The following REDIC1 variants were observed in gnomAD, a reference collection of about 807,000 sequenced individuals.
REDIC1 encodes regulator of DNA class I crossover intermediates 1, also known as HEI10 Interacting Protein 1.
chr12:39,768,262 T>A, the REDIC1 span, among the ~76,000 whole-genome samples: 1 of 152,160 alleles, frequency 6.6e-6, no homozygotes, highest in Non-Finnish European at 1.5e-5. Context: ...CTTAAGGGAA[T>A]GTTGTGGCTG....
the REDIC1 span, among the ~76,000 whole-genome samples, chr12:39,652,529 G>A: frequency 1.5e-4 from 23 of 152,122 alleles, no homozygotes; most frequent in African/African-American, 5.3e-4. Context: ...GTGTGACTCT[G>A]GTGAAATGTT....
chr12:39,653,357 G>C, the REDIC1 span, among the ~76,000 whole-genome samples: 6 of 151,626 alleles, frequency 4.0e-5, no homozygotes, highest in East Asian at 1.2e-3. Flanking sequence ...ATTAATTTTT[G>C]TATATGAATC....
the REDIC1 span, among the ~76,000 whole-genome samples, chr12:39,666,290 T>C: frequency 6.6e-6 from 1 of 152,224 alleles, no homozygotes; most frequent in Non-Finnish European, 1.5e-5. Flanking sequence ...TGTTGAATTT[T>C]GTCAAAGGCC....
At chr12:39,675,280 G>T in the REDIC1 span, among the ~76,000 whole-genome samples, 4 of 152,098 alleles carry the variant, frequency 2.6e-5, no homozygotes, top group Non-Finnish European at 5.9e-5. Flanking sequence ...GCCCAAGGAG[G>T]GTCTGAGCAC....
chr12:39,879,361 C>T, the REDIC1 span, among the ~76,000 whole-genome samples: 1,114 of 152,326 alleles, frequency 7.3e-3, 11 homozygotes, highest in African/African-American at 0.025. Flanking sequence ...TGGCAGCTTG[C>T]ACCCTGCGTC....
chr12:39,692,127 A>T, the REDIC1 span: 1 of 1,521,800 alleles, frequency 6.6e-7, no homozygotes. Context: ...GTATAACTGT[A>T]TAAGTTAATT....
chr12:39,703,280 T>C, the REDIC1 span, among the ~76,000 whole-genome samples: 11 of 150,406 alleles, frequency 7.3e-5, no homozygotes, highest in Non-Finnish European at 1.2e-4. Context: ...AGCATTCTTA[T>C]ACACCAACAA....
the REDIC1 span, among the ~76,000 whole-genome samples, chr12:39,706,313 A>G: frequency 1.3e-5 from 2 of 152,074 alleles, no homozygotes; most frequent in African/African-American, 2.4e-5. Flanking sequence ...TGAAGAGGAC[A>G]CCAAAACATG....
chr12:39,670,095 G>A, the REDIC1 span, among the ~76,000 whole-genome samples: 22 of 152,256 alleles, frequency 1.4e-4, no homozygotes, highest in Admixed American at 1.2e-3. Context: ...AGATGAACCC[G>A]GTACCTCAGT....
At chr12:39,715,155 G>T in the REDIC1 span, among the ~76,000 whole-genome samples, 1 of 151,830 alleles carries the variant, frequency 6.6e-6, no homozygotes, top group Non-Finnish European at 1.5e-5. Context: ...TGTCTAGAAG[G>T]GTTTTTCCCA....
At chr12:39,647,142 A>T in the REDIC1 span, among the ~76,000 whole-genome samples, 1 of 151,958 alleles carries the variant, frequency 6.6e-6, no homozygotes, top group African/African-American at 2.4e-5. Flanking sequence ...GTTACTGATG[A>T]GCTGCCAAGG....
At chr12:39,828,713 T>G in the REDIC1 span, among the ~76,000 whole-genome samples, 2 of 14,588 alleles carry the variant, frequency 1.4e-4, no homozygotes, top group African/African-American at 1.8e-3. Context: ...AGTAACTTAG[T>G]TTTTTTTTTT....
chr12:39,868,085 T>C, the REDIC1 span, among the ~76,000 whole-genome samples: 3 of 152,230 alleles, frequency 2.0e-5, no homozygotes, highest in African/African-American at 7.2e-5. Flanking sequence ...CAGTCCCTTG[T>C]TAGTATTTAA....
chr12:39,785,074 C>A, the REDIC1 span, among the ~76,000 whole-genome samples: 1 of 152,122 alleles, frequency 6.6e-6, no homozygotes, highest in South Asian at 2.1e-4. Flanking sequence ...AAATTCAAGC[C>A]GGCTGCAGAA....
chr12:39,790,760 GTATTTC>G, the REDIC1 span, among the ~76,000 whole-genome samples: 2 of 76,402 alleles, frequency 2.6e-5, no homozygotes, highest in East Asian at 7.0e-4. Context: ...GGGTCAAATG[GTATTTC>G]TAGTTCTAGA....
the REDIC1 span, among the ~76,000 whole-genome samples, chr12:39,769,737 TCTCTCTTACTCAAATGTTCAACTC>T: frequency 1.3e-5 from 2 of 151,846 alleles, no homozygotes; most frequent in Non-Finnish European, 2.9e-5. Context: ...ATACACAAGA[TCTCTCTTACTCAAATGTTCAACTC>T]CTCTCATATT....
the REDIC1 span, among the ~76,000 whole-genome samples, chr12:39,820,407 T>A: frequency 6.6e-6 from 1 of 152,292 alleles, no homozygotes; most frequent in South Asian, 2.1e-4. Context: ...GGTTCATGAA[T>A]GTCTATGCAT....
the REDIC1 span, among the ~76,000 whole-genome samples, chr12:39,633,395 T>C: frequency 6.6e-6 from 1 of 152,228 alleles, no homozygotes; most frequent in Non-Finnish European, 1.5e-5. Context: ...ATAACATGCA[T>C]GGAGCTACCA....
At chr12:39,683,818 G>T in the REDIC1 span, among the ~76,000 whole-genome samples, 3 of 151,968 alleles carry the variant, frequency 2.0e-5, no homozygotes, top group Non-Finnish European at 2.9e-5. Flanking sequence ...AACATGTATA[G>T]GAAGTCTTAT....
Sources: gnomAD v4.1 joint callset for allele counts (sites outside exome capture counted in the v4.1 genomes callset) on GRCh38, gnomAD v4.1.1 for gene constraint, MANE v1.5 for transcripts, NCBI Gene and HGNC (gene_info 2026-07-23, HGNC 2026-07-21) for gene names.